ARSB: variants seen among roughly 807,000 people sequenced by gnomAD.
ARSB encodes arylsulfatase B.
ARSB carries 41 observed loss-of-function variants against 50.9 expected under a neutral mutation model. The ratio of observed to expected loss-of-function variants is 0.81; its 90% CI spans 0.63 to 1.04. The LOEUF (loss-of-function observed/expected upper bound fraction) is 1.04. Among genes scored for constraint, ARSB ranks in the 50% least tolerant of loss-of-function variants. The pLI, the probability that ARSB is intolerant of heterozygous loss-of-function variation, is 0.00. For missense variants in ARSB, 672 were observed against 693.3 expected (o/e 0.97, Z 0.35); for synonymous variants, 269 against 284.8 (o/e 0.94, Z 0.56).
intron 5 of ARSB, chr5:78,882,833 G>A (rs1032057011): frequency 2.2e-5 from 3 of 139,222 alleles, no homozygotes; most frequent in African/African-American, 8.2e-5. Flanking sequence ...GCCGAGGCTG[G>A]AGTGCAGTGG....
rs144970795 is a variant in ARSB at position 78,836,490 on chromosome 5, C to T, written c.1213+2866G>A. ...CCAAAGAGGATGCCTAAATTTGTGGCGGCAGTACTGGGTCTTATAATTCTA... is the reference window on the plus strand; with the variant it reads ...CCAAAGAGGATGCCTAAATTTGTGGTGGCAGTACTGGGTCTTATAATTCTA... On this transcript the variant is annotated intron_variant, in intron 6 of 7. Coordinates refer to ENST00000264914, the MANE Select transcript of ARSB (RefSeq NM_000046.5). 6.5e-4 allele frequency among the ~76,000 whole-genome samples: 99 copies of T among 152,234 alleles called. 1 individual carries two copies. Among genetic ancestry groups the T allele is most frequent in the African/African-American group, 2.0e-3 (85 of 41,542 alleles).
chr5:78,890,274 A>G (rs540973965), intron 4 of ARSB, among the ~76,000 whole-genome samples: 43 of 147,036 alleles, frequency 2.9e-4, no homozygotes, highest in African/African-American at 9.5e-4. Flanking sequence ...TTTTTGAGAC[A>G]AAGTCTCACT....
chr5:78,791,586 G>A (rs936834291), intron 6 of ARSB, among the ~76,000 whole-genome samples: 2 of 152,224 alleles, frequency 1.3e-5, no homozygotes, highest in African/African-American at 4.8e-5. Context: ...TGGTGCACAT[G>A]TGGCTCAAAT....
Position 78,973,810 on chromosome 5 carries a change from C to T in ARSB, c.313-4618G>A, listed in dbSNP as rs147927899. 3.7e-4 allele frequency among the ~76,000 whole-genome samples: 57 copies of T among 152,280 alleles called. 1 individual carries two copies. The highest frequency in any genetic ancestry group is 1.3e-3 in the African/African-American group (55 of 41,546). On this transcript the variant is annotated intron_variant, in intron 1 of 7. Coordinates refer to ENST00000264914, the MANE Select transcript of ARSB (RefSeq NM_000046.5). ...ACCTCAACAGTGTTGAGATAATATC[C>T]CGTTGAACAGAAGGGAGGTTCTGTC...
intron 5 of ARSB, among the ~76,000 whole-genome samples, chr5:78,846,677 T>C (rs1199527043): frequency 6.6e-6 from 1 of 152,196 alleles, no homozygotes; most frequent in African/African-American, 2.4e-5. Context: ...TCTGTATATA[T>C]GATGATATCA....
chr5:78,785,304 A>G (rs555216898), intron 6 of ARSB, among the ~76,000 whole-genome samples: 2 of 152,332 alleles, frequency 1.3e-5, no homozygotes, highest in South Asian at 4.1e-4. Context: ...GAATTATCCA[A>G]GCACCAATGT....
At chr5:78,792,296 T>C (rs112979037) in intron 6 of ARSB, among the ~76,000 whole-genome samples, 5,464 of 151,870 alleles carry the variant, frequency 0.036, 237 homozygotes, top group Admixed American at 0.12. Context: ...TGAGAAGCAC[T>C]TGAACCCAGG....
At chr5:78,799,429 T>C (rs948139650) in intron 6 of ARSB, among the ~76,000 whole-genome samples, 1 of 152,206 alleles carries the variant, frequency 6.6e-6, no homozygotes, top group Non-Finnish European at 1.5e-5. Context: ...ATTCATGAAG[T>C]GACTCACTTG....
At chr5:78,825,502 T>C (rs1744398669) in intron 6 of ARSB, among the ~76,000 whole-genome samples, 1 of 152,230 alleles carries the variant, frequency 6.6e-6, no homozygotes, top group Admixed American at 6.5e-5. Context: ...TTTCAGTCTC[T>C]AACATTTGTT....
chr5:78,886,897 T>C (rs1028147844), intron 4 of ARSB, among the ~76,000 whole-genome samples: 5 of 152,108 alleles, frequency 3.3e-5, no homozygotes, highest in African/African-American at 4.8e-5. Flanking sequence ...AAGATGCATC[T>C]GGGAGGAAAG....
intron 5 of ARSB, among the ~76,000 whole-genome samples, chr5:78,866,907 C>T (rs555714826): frequency 9.8e-5 from 15 of 152,318 alleles, no homozygotes; most frequent in African/African-American, 3.1e-4. Context: ...TCTGAGGTAC[C>T]GGGTTCATCT....
intron 6 of ARSB, among the ~76,000 whole-genome samples, chr5:78,836,470 G>A (rs1057501753): frequency 7.9e-5 from 12 of 152,244 alleles, no homozygotes; most frequent in Admixed American, 2.0e-4. Flanking sequence ...GAAGGCCAAA[G>A]AGGATGCCTA....
intron 3 of ARSB, among the ~76,000 whole-genome samples, chr5:78,956,077 A>T (rs1751710277): frequency 1.3e-5 from 2 of 152,336 alleles, no homozygotes; most frequent in Non-Finnish European, 2.9e-5. Context: ...TTCCATGAAT[A>T]TTCACTGCAA....
Position 78,984,939 on chromosome 5 carries a change from G to A in ARSB, c.310C>T (p.Gln104Ter), listed in dbSNP as rs1753093650. 7.1e-7 allele frequency: 1 copy of A among 1,412,524 alleles called. No homozygotes were observed. 87.5% of individuals were successfully genotyped at this position (1,412,524 alleles called of 1,614,324 possible). A position where few individuals can be genotyped will look rare whatever the true frequency, so the allele number is the denominator to read the frequency against. Residue 104 changes from glutamine (Q) to a stop codon, truncating the protein, a stop_gained and splice_region_variant, in exon 1 of 8, where the codon CAG becomes TAG. Coordinates refer to ENST00000264914, the MANE Select transcript of ARSB (RefSeq NM_000046.5). LOFTEE classifies it high-confidence loss of function. ...CGGGCGGCGGGGGCGCCGCGTACCTGGTAGCGGCCAGTGAGCAGCTGGCTC... is the reference window on the plus strand; with the variant it reads ...CGGGCGGCGGGGGCGCCGCGTACCTAGTAGCGGCCAGTGAGCAGCTGGCTC... ...SRSQLLTGRY[Q>*]IRTGLQHQII...
At chr5:78,877,561 ATAT>A (rs1461905579) in intron 5 of ARSB, among the ~76,000 whole-genome samples, 1 of 151,850 alleles carries the variant, frequency 6.6e-6, no homozygotes, top group Non-Finnish European at 1.5e-5. Context: ...GCTAATTTTT[ATAT>A]TTTTATTAGA....
chr5:78,953,322 TAGTGGAGCCAGG>T (rs1751565303), intron 4 of ARSB, among the ~76,000 whole-genome samples: 1 of 152,242 alleles, frequency 6.6e-6, no homozygotes, highest in Non-Finnish European at 1.5e-5. Flanking sequence ...CAGGATACTG[TAGTGGAGCCAGG>T]CTCTGCCTGG....
chr5:78,966,211 A>C (rs1009949076), intron 2 of ARSB, among the ~76,000 whole-genome samples: 1 of 152,254 alleles, frequency 6.6e-6, no homozygotes. Context: ...AGATAGGAGA[A>C]TTCCAGAAAT....
chr5:78,862,564 C>T (rs923526053), intron 5 of ARSB, among the ~76,000 whole-genome samples: 1 of 152,192 alleles, frequency 6.6e-6, no homozygotes, highest in Non-Finnish European at 1.5e-5. Context: ...AAAGCTGAAA[C>T]TGGATCCCTT....
chr5:78,807,249 C>T (rs1382117042), intron 6 of ARSB, among the ~76,000 whole-genome samples: 1 of 152,200 alleles, frequency 6.6e-6, no homozygotes, highest in Non-Finnish European at 1.5e-5. Flanking sequence ...AATCCAGGGC[C>T]AAGCCTGCCC....
Sources: gnomAD v4.1 joint callset for allele counts (sites outside exome capture counted in the v4.1 genomes callset) on GRCh38, gnomAD v4.1.1 for gene constraint, MANE v1.5 for transcripts, NCBI Gene and HGNC (gene_info 2026-07-23, HGNC 2026-07-21) for gene names.